KBTBD11: variants seen among roughly 807,000 people sequenced by gnomAD.
The protein encoded by KBTBD11 is kelch repeat and BTB domain containing 11, also known as kelch repeat and BTB domain-containing protein 11.
For synonymous variants in KBTBD11, 747 were observed against 499.0 expected, an observed-to-expected ratio of 1.50 and a Z score of -6.63; for missense variants, 1,390 against 1,001.8, an observed-to-expected ratio of 1.39 and a Z score of -5.23.
At chr8:1,983,917 G>T (rs1271795656) in intron 1 of KBTBD11, among the ~76,000 whole-genome samples, 2 of 151,558 alleles carry the variant, frequency 1.3e-5, no homozygotes, top group Non-Finnish European at 2.9e-5. Context: ...ATCACCTGAG[G>T]TCAGGAGTTT....
intron 1 of KBTBD11, among the ~76,000 whole-genome samples, chr8:1,993,527 A>G (rs1185823352): frequency 1.0e-4 from 3 of 29,890 alleles, no homozygotes; most frequent in Non-Finnish European, 2.0e-4. Context: ...CCACCCATCC[A>G]TCCACCCACC....
chr8:1,988,844 A>G (rs188745251), intron 1 of KBTBD11, among the ~76,000 whole-genome samples: 2 of 150,464 alleles, frequency 1.3e-5, no homozygotes, highest in Admixed American at 1.3e-4. Context: ...AAATGAGCAA[A>G]TGAATGAATA....
intron 1 of KBTBD11, among the ~76,000 whole-genome samples, chr8:1,994,970 A>G (rs957610152): frequency 2.6e-4 from 39 of 151,156 alleles, no homozygotes; most frequent in African/African-American, 8.3e-4. Context: ...GAGGCAGGAG[A>G]ATCCCTTGAA....
chr8:1,987,171 CCTCT>C (rs911042097), intron 1 of KBTBD11, among the ~76,000 whole-genome samples: 1 of 152,178 alleles, frequency 6.6e-6, no homozygotes, highest in Non-Finnish European at 1.5e-5. Flanking sequence ...GCCTGTCCTT[CCTCT>C]CTCTGTTTTT....
Position 2,006,349 on chromosome 8 carries a change from G to A in KBTBD11, c.*3285G>A, listed in dbSNP as rs1817572772. The A allele has an allele frequency of 6.0e-6, 1 of 167,012 alleles. No individual in the cohort carries two copies. The highest frequency in any genetic ancestry group is 1.5e-5 in the Non-Finnish European group (1 of 68,112). The allele number at this position is 167,012 out of a possible 1,614,324, so 10.3% of individuals were successfully genotyped here. ...TAATCTCTTGTAAGATCTAAATAGA[G>A]CAAATGTAAACAAAAGTGCATTTTT... On this transcript the variant is annotated 3_prime_UTR_variant, in exon 2 of 2. Transcript: ENST00000320248.
chr8:1,994,930 G>A (rs1817076584), intron 1 of KBTBD11, among the ~76,000 whole-genome samples: 1 of 152,028 alleles, frequency 6.6e-6, no homozygotes, highest in Non-Finnish European at 1.5e-5. Context: ...GTGATGGTGG[G>A]TGCCTATAAT....
chr8:1,997,277 C>G lies in KBTBD11; in HGVS notation c.-908-3008C>G, dbSNP rs540243008. 5.3e-5 allele frequency among the ~76,000 whole-genome samples: 8 copies of G among 152,130 alleles called. No individual in the cohort carries two copies. The South Asian group carries it at 1.4e-3, about 28-fold the overall frequency. ...GAATCCCTGTGGAAATCCCTGACTT[C>G]CCATCCAAAAACATCTGACCCTAAC... On this transcript the variant is annotated intron_variant, in intron 1 of 1. Coordinates refer to ENST00000320248, the MANE Select transcript of KBTBD11 (RefSeq NM_014867.3).
chr8:2,000,265 T>C lies in KBTBD11; in HGVS notation c.-908-20T>C, dbSNP rs1459832653. On this transcript the variant is annotated intron_variant, in intron 1 of 1. Coordinates refer to ENST00000320248, the MANE Select transcript of KBTBD11 (RefSeq NM_014867.3). The stretch of plus-strand genomic sequence containing the variant: ...TACTGAAAAACGCACAAATATCCTC[T>C]CTTTTTGTCCTATAAACAGGAACAA... 6.6e-6 allele frequency: 1 copy of C among 152,192 alleles called. No homozygotes were observed. The highest frequency in any genetic ancestry group is 1.5e-5 in the Non-Finnish European group (1 of 68,058). 9.4% of individuals were successfully genotyped at this position (152,192 alleles called of 1,614,324 possible).
Position 1,973,925 on chromosome 8 carries a change from G to T in KBTBD11, c.-919G>T. The T allele has an allele frequency of 1.0e-6, 1 of 982,632 alleles. No individual in the cohort carries two copies. Among genetic ancestry groups the T allele is most frequent in the Non-Finnish European group, 1.2e-6 (1 of 828,490 alleles). The allele number at this position is 982,632 out of a possible 1,614,324, so 60.9% of individuals were successfully genotyped here. ...TCCCGGGCCCGGCGGCTGAAGAGGAGCCGCGGCGAGGTAGGGCGGACCCCG... is the reference window on the plus strand; with the variant it reads ...TCCCGGGCCCGGCGGCTGAAGAGGATCCGCGGCGAGGTAGGGCGGACCCCG... On this transcript the variant is annotated 5_prime_UTR_variant, in exon 1 of 2. Coordinates refer to ENST00000320248, the MANE Select transcript of KBTBD11 (RefSeq NM_014867.3).
chr8:2,001,750 G>GCTCCTCGCCGACGCCTA lies in KBTBD11; in HGVS notation c.560_576dup (p.Gly194SerfsTer44). 1 of 1,322,984 alleles carries GCTCCTCGCCGACGCCTA rather than the reference G, an allele frequency of 7.6e-7. No homozygotes were observed. The highest frequency in any genetic ancestry group is 2.0e-5 in the South Asian group (1 of 50,830). The allele number at this position is 1,322,984 out of a possible 1,614,324, so 82.0% of individuals were successfully genotyped here. ...GAGTGAGCCTGACGGCGCTGCGGCTGCTCCTCGCCGACGCCTACAGCGGGC... is the reference window on the plus strand; with the variant it reads ...GAGTGAGCCTGACGGCGCTGCGGCTGCTCCTCGCCGACGCCTACTCCTCGCCGACGCCTACAGCGGGC... On this transcript the variant is annotated frameshift_variant, in exon 2 of 2. Coordinates refer to ENST00000320248, the MANE Select transcript of KBTBD11 (RefSeq NM_014867.3). LOFTEE classifies it low-confidence loss of function (END_TRUNC).
chr8:2,001,662 T>TGCTGGCGGC lies in KBTBD11; in HGVS notation c.473_481dup (p.Leu158_Ala160dup). ...CGCCGGCTGCGCGCGCACAAGGCGGTGCTGGCGGCGCGCAGCGACTACTTC... is the reference window on the plus strand; with the variant it reads ...CGCCGGCTGCGCGCGCACAAGGCGGTGCTGGCGGCGCTGGCGGCGCGCAGCGACTACTTC... On this transcript the variant is annotated inframe_insertion, in exon 2 of 2. Transcript: ENST00000320248. 6.8e-7 allele frequency: 1 copy of TGCTGGCGGC among 1,467,770 alleles called. No homozygotes were observed. Among genetic ancestry groups the TGCTGGCGGC allele is most frequent in the Non-Finnish European group, 9.0e-7 (1 of 1,114,730 alleles). 90.9% of individuals were successfully genotyped at this position (1,467,770 alleles called of 1,614,324 possible).
chr8:1,979,606 G>C (rs562665041), intron 1 of KBTBD11, among the ~76,000 whole-genome samples: 46 of 152,336 alleles, frequency 3.0e-4, no homozygotes, highest in African/African-American at 1.1e-3. Context: ...TCCAGCCTGG[G>C]CTACAGAGTG....
Position 1,973,896 on chromosome 8 carries a change from C to T in KBTBD11, c.-948C>T. 1 of 982,874 alleles carries T rather than the reference C, an allele frequency of 1.0e-6. No individual in the cohort carries two copies. The allele number at this position is 982,874 out of a possible 1,614,324, so 60.9% of individuals were successfully genotyped here. ...GCGCCGGAGCCCACCCGCCTGGCTG[C>T]GCGTCCCGGGCCCGGCGGCTGAAGA... On this transcript the variant is annotated 5_prime_UTR_variant, in exon 1 of 2. Coordinates refer to ENST00000320248, the MANE Select transcript of KBTBD11 (RefSeq NM_014867.3).
intron 1 of KBTBD11, among the ~76,000 whole-genome samples, chr8:1,981,431 CATCTT>C (rs1264070566): frequency 2.0e-5 from 3 of 152,200 alleles, no homozygotes; most frequent in Non-Finnish European, 4.4e-5. Context: ...AAATTAACTA[CATCTT>C]CAGTATGAAG....
chr8:2,001,476 A>C lies in KBTBD11; in HGVS notation c.284A>C (p.Glu95Ala). Reference sequence around the variant, plus strand: ...TCCCCGGAGGAGCTCGCGTCCCCTGAGGAGCGCGCGTGCCCGGAAGAGCCC... The same window carrying C: ...TCCCCGGAGGAGCTCGCGTCCCCTGCGGAGCGCGCGTGCCCGGAAGAGCCC... ...AASPEELASP[E>A]ERACPEEPAA... Residue 95 changes from glutamate to alanine, a missense_variant, in exon 2 of 2, where the codon GAG (glutamate) becomes GCG (alanine). Transcript: ENST00000320248. 7.3e-7 allele frequency: 1 copy of C among 1,379,294 alleles called. No individual in the cohort carries two copies. The highest frequency in any genetic ancestry group is 9.3e-7 in the Non-Finnish European group (1 of 1,074,400). The allele number at this position is 1,379,294 out of a possible 1,614,324, so 85.4% of individuals were successfully genotyped here. A position where few individuals can be genotyped will look rare whatever the true frequency, so the allele number is the denominator to read the frequency against.
chr8:1,986,019 C>G (rs190799274), intron 1 of KBTBD11, among the ~76,000 whole-genome samples: 67 of 152,340 alleles, frequency 4.4e-4, no homozygotes, highest in East Asian at 3.1e-3. Context: ...TAACTGCACT[C>G]TTGTTTGACA....
chr8:1,984,113 C>T (rs769767985), intron 1 of KBTBD11, among the ~76,000 whole-genome samples: 5 of 151,798 alleles, frequency 3.3e-5, no homozygotes, highest in South Asian at 2.1e-4. Flanking sequence ...CAAGAGCGAC[C>T]GTCTGAAAAA....
intron 1 of KBTBD11, among the ~76,000 whole-genome samples, chr8:1,980,485 A>G (rs575988509): frequency 2.0e-5 from 3 of 152,332 alleles, no homozygotes; most frequent in Admixed American, 6.5e-5. Flanking sequence ...TCGGCCTCCC[A>G]AAGTGCAGGG....
At position 2,001,759 on chromosome 8, in the gene KBTBD11, C is replaced by T. The variant is rs1029489192; in HGVS notation, c.567C>T (p.Ala189=). 4.6e-6 allele frequency: 6 copies of T among 1,312,472 alleles called. No homozygotes were observed. Among genetic ancestry groups the T allele is most frequent in the Non-Finnish European group, 5.8e-6 (6 of 1,032,938 alleles). 81.3% of individuals were successfully genotyped at this position (1,312,472 alleles called of 1,614,324 possible). ...TGACGGCGCTGCGGCTGCTCCTCGC[C>T]GACGCCTACAGCGGGCGCATGGCGG... The part of the protein sequence containing the change: ...VSLTALRLLL[A]DAYSGRMAGV... Residue 189 remains alanine, a synonymous_variant, in exon 2 of 2, where the codon GCC becomes GCT. Transcript: ENST00000320248.
Sources: gnomAD v4.1 joint callset for allele counts (sites outside exome capture counted in the v4.1 genomes callset) on GRCh38, gnomAD v4.1.1 for gene constraint, MANE v1.5 for transcripts, NCBI Gene and HGNC (gene_info 2026-07-23, HGNC 2026-07-21) for gene names.